HRG: variants seen among roughly 807,000 people sequenced by gnomAD.
HRG encodes histidine rich glycoprotein.
HRG carries 26 observed loss-of-function variants against 29.5 expected under a neutral mutation model. The ratio of observed to expected loss-of-function variants is 0.88; its 90% CI spans 0.65 to 1.22. The LOEUF (loss-of-function observed/expected upper bound fraction) is 1.22, where lower values mean the gene tolerates loss of function less well. HRG is among the 50% of genes most tolerant of loss of function. The probability of loss-of-function intolerance (pLI) is 0.00; values close to 1 mark genes in which losing one functional copy is unlikely to be tolerated. For missense variants in HRG, 671 were observed against 654.5 expected, an observed-to-expected ratio of 1.03 and a Z score of -0.28; for synonymous variants, 243 against 240.4, an observed-to-expected ratio of 1.01 and a Z score of -0.10.
intron 3 of HRG, 62 bp downstream of exon 3, chr3:186,670,090 G>T: frequency 1.2e-6 from 1 of 867,400 alleles, no homozygotes; most frequent in Non-Finnish European, 2.0e-6. Flanking sequence ...TCATACAGTG[G>T]TATTTGTCTC....
intron 5 of HRG, chr3:186,674,711 T>TA (rs1365898661): frequency 2.9e-6 from 1 of 340,162 alleles, no homozygotes; most frequent in African/African-American, 2.1e-5. Context: ...GCTGAAGTTG[T>TA]AAAAATCCCT....
chr3:186,667,801 G>C (rs151331549), intron 1 of HRG, among the ~76,000 whole-genome samples: 32 of 152,162 alleles, frequency 2.1e-4, no homozygotes, highest in African/African-American at 7.2e-4. Flanking sequence ...TCAGGTAGGA[G>C]CCAAGCCTGT....
chr3:186,667,441 G>T (rs867035375), intron 1 of HRG, among the ~76,000 whole-genome samples: 2 of 152,146 alleles, frequency 1.3e-5, no homozygotes, highest in African/African-American at 4.8e-5. Context: ...GACAGATCTG[G>T]CTTCTGAGGC....
In HRG at chr3:186,677,915, A is replaced by C; in HGVS notation, c.*32A>C. 1 of 1,569,380 alleles carries C rather than the reference A, an allele frequency of 6.4e-7. No individual in the cohort carries two copies. Among genetic ancestry groups the C allele is most frequent in the Non-Finnish European group, 8.8e-7 (1 of 1,140,008 alleles). ...ATTCCTTTGAAGAGGAAAATGAATAATACATTGAATTAGAAACATAAATAA... is the reference window on the plus strand; with the variant it reads ...ATTCCTTTGAAGAGGAAAATGAATACTACATTGAATTAGAAACATAAATAA... On this transcript the variant is annotated 3_prime_UTR_variant, in exon 7 of 7. Transcript: ENST00000232003.
At chr3:186,674,909 G>A (rs1718918875) in intron 5 of HRG, 180 bp from the exon 6 acceptor site, 4 of 664,136 alleles carry the variant, frequency 6.0e-6, no homozygotes, top group African/African-American at 1.8e-5. Flanking sequence ...TTCACCACCT[G>A]CACTTTCCCC....
chr3:186,668,707 A>C, intron 1 of HRG: 1 of 512,584 alleles, frequency 2.0e-6, no homozygotes. Context: ...AGCTTCTTCA[A>C]GTTTATGGGC....
At chr3:186,671,946 A>G (rs1309441889) in intron 4 of HRG, among the ~76,000 whole-genome samples, 157 bp downstream of exon 4, 1 of 142,046 alleles carries the variant, frequency 7.0e-6, no homozygotes, top group Non-Finnish European at 1.5e-5. Context: ...AGGTATTTAA[A>G]AAATACAAAA....
At chr3:186,669,128 G>T in intron 2 of HRG, 77 bp downstream of exon 2, 1 of 860,722 alleles carries the variant, frequency 1.2e-6, no homozygotes, top group South Asian at 1.3e-5. Context: ...GCCAATGCCT[G>T]GGCTAACACA....
intron 3 of HRG, 107 bp from the exon 4 acceptor site, chr3:186,671,515 AC>A (rs1718789824): frequency 8.8e-7 from 1 of 1,135,722 alleles, no homozygotes; most frequent in Non-Finnish European, 1.3e-6. Context: ...AGCTCTTCCC[AC>A]CCTCAATTTG....
Position 186,671,665 on chromosome 3 carries a change from T to C in HRG, c.434T>C (p.Ile145Thr), listed in dbSNP as rs761079419. The C allele has an allele frequency of 6.8e-6, 11 of 1,613,836 alleles. No homozygotes were observed. Among genetic ancestry groups the C allele is most frequent in the African/African-American group, 1.3e-5 (1 of 74,920 alleles). The change falls in exon 4 of 7, where the codon ATA (isoleucine) becomes ACA (threonine). Residue 145 changes from isoleucine (I) to threonine (T), a missense_variant. Transcript: ENST00000232003. ...LANTKDSPVL[I>T]DFFEDTERYR... ...AATACCAAAGATAGTCCGGTCCTCA[T>C]AGATTTCTTTGAGGATACTGAGCGC...
chr3:186,669,870 T>C (rs1195475603), intron 2 of HRG, 68 bp from the exon 3 acceptor site: 4 of 821,688 alleles, frequency 4.9e-6, no homozygotes, highest in Non-Finnish European at 8.7e-6. Context: ...TTTTTGCTCT[T>C]TCATATCTGA....
chr3:186,667,872 C>T (rs1481365629), intron 1 of HRG, among the ~76,000 whole-genome samples: 5 of 152,134 alleles, frequency 3.3e-5, no homozygotes, highest in Non-Finnish European at 5.9e-5. Flanking sequence ...CCTACCTAAA[C>T]TGGACTAGAG....
At chr3:186,676,905 T>A (rs1482414116) in intron 6 of HRG, 142 bp from the exon 7 acceptor site, 1 of 891,378 alleles carries the variant, frequency 1.1e-6, no homozygotes, top group African/African-American at 1.7e-5. Context: ...TAGATAACAA[T>A]TTGAGAATCT....
chr3:186,674,958 G>A, intron 5 of HRG, 131 bp from the exon 6 acceptor site: 3 of 748,704 alleles, frequency 4.0e-6, no homozygotes, highest in Non-Finnish European at 2.5e-6. Flanking sequence ...CGACTGGTGG[G>A]AATATCTGAT....
rs1718790211 is a variant in HRG, at chr3:186,671,529, C to T, written c.392-94C>T. The stretch of plus-strand genomic sequence containing the variant: ...CAGCTCTTCCCACCCTCAATTTGCC[C>T]ATCCTTAAAATGAAAGTTATTGTCA... On this transcript the variant is annotated intron_variant, in intron 3 of 6. Coordinates refer to ENST00000232003, the MANE Select transcript of HRG (RefSeq NM_000412.5). 2.3e-6 allele frequency: 3 copies of T among 1,321,736 alleles called. No homozygotes were observed. The Admixed American group carries it at 5.1e-5, about 22-fold the overall frequency. 81.9% of individuals were successfully genotyped at this position (1,321,736 alleles called of 1,614,324 possible). A position where few individuals can be genotyped will look rare whatever the true frequency, so the allele number is the denominator to read the frequency against.
chr3:186,669,936 A>C lies in HRG; in HGVS notation c.301-2A>C, dbSNP rs763164439. On this transcript the variant is annotated splice_acceptor_variant, in intron 2 of 6. Transcript: ENST00000232003. LOFTEE classifies it high-confidence loss of function. ...AAGTCCTCAAGAGCCTCTTTCTTAC[A>C]GGTGATCGGACAATGTAAGGTAATA... 1 of 1,531,912 alleles carries C rather than the reference A, an allele frequency of 6.5e-7. No homozygotes were observed. Among genetic ancestry groups the C allele is most frequent in the Admixed American group, 1.7e-5 (1 of 59,932 alleles). 94.9% of individuals were successfully genotyped at this position (1,531,912 alleles called of 1,614,324 possible). A position where few individuals can be genotyped will look rare whatever the true frequency, so the allele number is the denominator to read the frequency against.
At chr3:186,666,854 A>T (rs1376675148) in intron 1 of HRG, 1 of 154,420 alleles carries the variant, frequency 6.5e-6, no homozygotes, top group African/African-American at 2.4e-5. Flanking sequence ...CAGAGGTTGC[A>T]GTGAGTCGAG....
chr3:186,672,424 T>A (rs974524192), intron 4 of HRG, among the ~76,000 whole-genome samples: 2 of 152,192 alleles, frequency 1.3e-5, no homozygotes, highest in African/African-American at 4.8e-5. Flanking sequence ...TATGGACCCA[T>A]TTATATGAAA....
chr3:186,677,655 C>G lies in HRG; in HGVS notation c.1350C>G (p.Phe450Leu), dbSNP rs771663758. 12 of 1,613,978 alleles carry G rather than the reference C, an allele frequency of 7.4e-6. No individual in the cohort carries two copies. The East Asian group carries it at 2.7e-4, about 36-fold the overall frequency. ...GCCCAGGTAAAGGACCCCGTCCCTT[C>G]CATTGCAGACAAATTGGATCTGTGT... Reference protein sequence around the residue: ...RRGPGKGPRPFHCRQIGSVYR... With the variant: ...RRGPGKGPRPLHCRQIGSVYR... Residue 450 changes from phenylalanine to leucine, a missense_variant, in exon 7 of 7, where the codon TTC becomes TTG. Coordinates refer to ENST00000232003, the MANE Select transcript of HRG (RefSeq NM_000412.5).
Sources: gnomAD v4.1 joint callset for allele counts (sites outside exome capture counted in the v4.1 genomes callset) on GRCh38, gnomAD v4.1.1 for gene constraint, MANE v1.5 for transcripts, NCBI Gene and HGNC (gene_info 2026-07-23, HGNC 2026-07-21) for gene names.